ADAT2: variants seen among roughly 807,000 people sequenced by gnomAD.
The protein encoded by ADAT2 is adenosine deaminase tRNA specific 2.
A neutral mutation model predicts 25.9 loss-of-function variants in ADAT2; 26 were observed. The ratio of observed to expected loss-of-function variants is 1.00; its 90% CI spans 0.74 to 1.39. ADAT2 has a LOEUF of 1.39. Among genes scored for constraint, ADAT2 ranks in the 40% most tolerant of loss-of-function variants. The pLI, the probability that ADAT2 is intolerant of heterozygous loss-of-function variation, is 0.00. For synonymous variants in ADAT2, 76 were observed against 86.8 expected (o/e 0.88, Z 0.69); for missense variants, 220 against 244.8 (o/e 0.90, Z 0.68).
At chr6:143,448,048 C>T (rs1779646436) in intron 1 of ADAT2, among the ~76,000 whole-genome samples, 1 of 152,094 alleles carries the variant, frequency 6.6e-6, no homozygotes, top group Admixed American at 6.5e-5. Context: ...TCATATACAC[C>T]ATGGAATACT....
Position 143,450,652 on chromosome 6 carries a change from C to T in ADAT2, c.7G>A (p.Ala3Thr). ME[A>T]KAAPKPAASG... is the part of the protein sequence containing the mutation. ...GCAGCTGGCTTGGGTGCCGCCTTCG[C>T]CTCCATACCCAGCCACCACTCAGCT... is the stretch of plus-strand genomic sequence containing the variant. The change falls in exon 1 of 6, where the codon GCG becomes ACG. Residue 3 changes from alanine to threonine, a missense_variant. Coordinates refer to ENST00000237283, the MANE Select transcript of ADAT2 (RefSeq NM_182503.3). The T allele has an allele frequency of 6.2e-7, 1 of 1,613,438 alleles. No homozygotes were observed. The highest frequency in any genetic ancestry group is 8.5e-7 in the Non-Finnish European group (1 of 1,180,014).
rs1235221986 is a variant in ADAT2, at chr6:143,442,084, C to T, written c.97-3390G>A. The T allele has an allele frequency of 1.3e-5, 2 of 152,182 alleles. No individual in the cohort carries two copies. The highest frequency in any genetic ancestry group is 4.8e-5 in the African/African-American group (2 of 41,440). 9.4% of individuals were successfully genotyped at this position (152,182 alleles called of 1,614,324 possible). On this transcript the variant is annotated intron_variant, in intron 1 of 5. Transcript: ENST00000237283. This position sits in a 1 kb window ranked among gnomAD's most constrained non-coding sequence, Gnocchi z 4.6. Reference sequence around the variant, plus strand: ...CCAGAGAAATGAAAACCTATGCTCACACAATGTATGTCTGTGTGCACAAAT... The same window carrying T: ...CCAGAGAAATGAAAACCTATGCTCATACAATGTATGTCTGTGTGCACAAAT...
intron 1 of ADAT2, among the ~76,000 whole-genome samples, chr6:143,450,260 T>C (rs1324763180): frequency 6.6e-6 from 1 of 151,854 alleles, no homozygotes; most frequent in Non-Finnish European, 1.5e-5. Flanking sequence ...GATTGGAGAG[T>C]GTGTGACCAC....
rs1778939548 is a variant in ADAT2 at position 143,426,532 on chromosome 6, A to T, written c.*1931T>A. ...CAATTAAATTGTTCAGCTATGCTTC[A>T]GAATCAGGAAACACTACTTATCCAT... On this transcript the variant is annotated 3_prime_UTR_variant, in exon 6 of 6. Transcript: ENST00000237283. The surrounding 1 kb of genome is among the most constrained non-coding windows in gnomAD (Gnocchi z 4.1). The T allele has an allele frequency of 6.6e-6, 1 of 152,238 alleles. No individual in the cohort carries two copies. Among genetic ancestry groups the T allele is most frequent in the South Asian group, 2.1e-4 (1 of 4,834 alleles). The allele number at this position is 152,238 out of a possible 1,614,324, so 9.4% of individuals were successfully genotyped here.
Position 143,426,246 on chromosome 6 carries a change from A to C in ADAT2, c.*2217T>G, listed in dbSNP as rs984228942. The C allele has an allele frequency of 6.6e-6, 1 of 152,236 alleles. No homozygotes were observed. The highest frequency in any genetic ancestry group is 1.9e-4 in the East Asian group (1 of 5,200). 9.4% of individuals were successfully genotyped at this position (152,236 alleles called of 1,614,324 possible). ...TTAATATTTTAACCCGTGTCTAAGTAGCTGGGGAATGTGGTACTCAGGAAG... is the reference window on the plus strand; with the variant it reads ...TTAATATTTTAACCCGTGTCTAAGTCGCTGGGGAATGTGGTACTCAGGAAG... On this transcript the variant is annotated 3_prime_UTR_variant, in exon 6 of 6. Transcript: ENST00000237283. This position sits in a 1 kb window ranked among gnomAD's most constrained non-coding sequence, Gnocchi z 4.1.
At chr6:143,441,360 T>C (rs1779450863) in intron 1 of ADAT2, 1 of 152,166 alleles carries the variant, frequency 6.6e-6, no homozygotes, top group South Asian at 2.1e-4. Flanking sequence ...AAAAAGACTG[T>C]TTTCATCTAT....
Position 143,432,669 on chromosome 6 carries a change from A to C in ADAT2, c.353-58T>G. On this transcript the variant is annotated intron_variant, in intron 3 of 5. Coordinates refer to ENST00000237283, the MANE Select transcript of ADAT2 (RefSeq NM_182503.3). This position sits in a 1 kb window ranked among gnomAD's most constrained non-coding sequence, Gnocchi z 4.4. ...ACATTTCAAGTATGTATCGTGACAA[A>C]ATCAGAGTAGGTTTATACCAGCCAT... is the stretch of plus-strand genomic sequence containing the variant. 1 of 1,548,158 alleles carries C rather than the reference A, an allele frequency of 6.5e-7. No individual in the cohort carries two copies. The highest frequency in any genetic ancestry group is 8.9e-7 in the Non-Finnish European group (1 of 1,121,070).
chr6:143,436,813 CTG>C lies in ADAT2; in HGVS notation c.201+1775_201+1776del, dbSNP rs1459628463. 2.0e-5 allele frequency: 3 copies of C among 152,294 alleles called. No homozygotes were observed. The highest frequency in any genetic ancestry group is 2.0e-4 in the Admixed American group (3 of 15,264). 9.4% of individuals were successfully genotyped at this position (152,294 alleles called of 1,614,324 possible). On this transcript the variant is annotated intron_variant, in intron 2 of 5. Coordinates refer to ENST00000237283, the MANE Select transcript of ADAT2 (RefSeq NM_182503.3). This position sits in a 1 kb window ranked among gnomAD's most constrained non-coding sequence, Gnocchi z 4.1. ...TCTGTGTGGGCACTTGCTGTTCTTG[CTG>C]TGTGTTCACCTCTATTAAAGCATTT...
Position 143,438,579 on chromosome 6 carries a change from A to G in ADAT2, c.201+11T>C. 1 of 1,593,082 alleles carries G rather than the reference A, an allele frequency of 6.3e-7. No individual in the cohort carries two copies. Among genetic ancestry groups the G allele is most frequent in the Non-Finnish European group, 8.6e-7 (1 of 1,161,212 alleles). On this transcript the variant is annotated intron_variant, in intron 2 of 5. Coordinates refer to ENST00000237283, the MANE Select transcript of ADAT2 (RefSeq NM_182503.3). The stretch of plus-strand genomic sequence containing the variant: ...CTGTATGTTTGCAATTATACTGCTC[A>G]ACTCACATACATTTTTGGTTTGGTT...
At chr6:143,443,441 A>T (rs574787500) in intron 1 of ADAT2, among the ~76,000 whole-genome samples, 134 of 152,064 alleles carry the variant, frequency 8.8e-4, no homozygotes, top group African/African-American at 3.0e-3. Flanking sequence ...TTTTAAGGAT[A>T]AAAAAAATGG....
intron 4 of ADAT2, among the ~76,000 whole-genome samples, chr6:143,429,727 T>C (rs1203635020): frequency 6.6e-6 from 1 of 152,070 alleles, no homozygotes; most frequent in African/African-American, 2.4e-5. Context: ...GTGCATGAAG[T>C]GACACAATGA....
At position 143,432,759 on chromosome 6, in the gene ADAT2, T is replaced by C. The variant is rs1254888379; in HGVS notation, c.353-148A>G. On this transcript the variant is annotated intron_variant, in intron 3 of 5. Coordinates refer to ENST00000237283, the MANE Select transcript of ADAT2 (RefSeq NM_182503.3). The surrounding 1 kb of genome is among the most constrained non-coding windows in gnomAD (Gnocchi z 4.4). ...AGCTTAGGATTCGTCTTATAAACCATACAATCCAGCTACACAGAAGAAAAG... is the reference window on the plus strand; with the variant it reads ...AGCTTAGGATTCGTCTTATAAACCACACAATCCAGCTACACAGAAGAAAAG... 8.3e-6 allele frequency: 6 copies of C among 723,468 alleles called. No individual in the cohort carries two copies. Among genetic ancestry groups the C allele is most frequent in the African/African-American group, 1.8e-5 (1 of 56,598 alleles). The allele number at this position is 723,468 out of a possible 1,614,324, so 44.8% of individuals were successfully genotyped here.
At chr6:143,431,882 C>G (rs1431524453) in intron 4 of ADAT2, among the ~76,000 whole-genome samples, 1 of 152,108 alleles carries the variant, frequency 6.6e-6, no homozygotes, top group East Asian at 1.9e-4. Flanking sequence ...AATACAAATT[C>G]CTTTTGTTCA....
At chr6:143,445,086 G>A in intron 1 of ADAT2, 1 of 388,460 alleles carries the variant, frequency 2.6e-6, no homozygotes, top group Non-Finnish European at 4.4e-6. Context: ...TCTCTTCTGA[G>A]TGATTACTCT....
In ADAT2 at chr6:143,440,266, G is replaced by A. The variant is rs1326502084; in HGVS notation, c.97-1572C>T. 6.6e-6 allele frequency among the ~76,000 whole-genome samples: 1 copy of A among 152,162 alleles called. No individual in the cohort carries two copies. The highest frequency in any genetic ancestry group is 2.4e-5 in the African/African-American group (1 of 41,442). ...TGCAGGTACTTACACACATCATAGG[G>A]CATATAAAGTGCAAAGTTGAAGGCA... is the stretch of plus-strand genomic sequence containing the variant. On this transcript the variant is annotated intron_variant, in intron 1 of 5. Coordinates refer to ENST00000237283, the MANE Select transcript of ADAT2 (RefSeq NM_182503.3). This position sits in a 1 kb window ranked among gnomAD's most constrained non-coding sequence, Gnocchi z 4.5.
Position 143,446,217 on chromosome 6 carries a change from C to T in ADAT2, c.96+4346G>A, listed in dbSNP as rs1779595485. Among the ~76,000 whole-genome samples, 1 of 152,090 alleles carries T rather than the reference C, an allele frequency of 6.6e-6. No homozygotes were observed. The highest frequency in any genetic ancestry group is 2.1e-4 in the South Asian group (1 of 4,828). On this transcript the variant is annotated intron_variant, in intron 1 of 5. Transcript: ENST00000237283. This position sits in a 1 kb window ranked among gnomAD's most constrained non-coding sequence, Gnocchi z 5.0. ...GTTTTTAAAAAGTCAAATAGATTTA[C>T]ACTGTATATACAGTTCAGCAGTCTG...
chr6:143,428,821 G>C lies in ADAT2; in HGVS notation c.460-137C>G, dbSNP rs1006556579. On this transcript the variant is annotated intron_variant, in intron 4 of 5. Coordinates refer to ENST00000237283, the MANE Select transcript of ADAT2 (RefSeq NM_182503.3). This position sits in a 1 kb window ranked among gnomAD's most constrained non-coding sequence, Gnocchi z 5.0. ...AAACTTTGGGGATATTAGTAACATG[G>C]GTAAGGAGGTACACTTCCAAAAGAT... 7 of 751,768 alleles carry C rather than the reference G, an allele frequency of 9.3e-6. No individual in the cohort carries two copies. The African/African-American group carries it at 1.2e-4, about 13-fold the overall frequency. 46.6% of individuals were successfully genotyped at this position (751,768 alleles called of 1,614,324 possible).
At position 143,446,688 on chromosome 6, in the gene ADAT2, G is replaced by T. The variant is rs922881007; in HGVS notation, c.96+3875C>A. Among the ~76,000 whole-genome samples, 3 of 152,010 alleles carry T rather than the reference G, an allele frequency of 2.0e-5. No individual in the cohort carries two copies. The highest frequency in any genetic ancestry group is 4.4e-5 in the Non-Finnish European group (3 of 67,998). On this transcript the variant is annotated intron_variant, in intron 1 of 5. Coordinates refer to ENST00000237283, the MANE Select transcript of ADAT2 (RefSeq NM_182503.3). The surrounding 1 kb of genome is among the most constrained non-coding windows in gnomAD (Gnocchi z 5.0). ...GGCAAGCAGTGAGCTACCTAACACC[G>T]AGAGGCAGGCCAGGCCAGTATTTAA...
intron 1 of ADAT2, among the ~76,000 whole-genome samples, chr6:143,445,939 C>CT (rs1375306530): frequency 6.6e-6 from 1 of 151,868 alleles, no homozygotes; most frequent in African/African-American, 2.4e-5. Context: ...ATACAATTGA[C>CT]TTTTTTCTAG....
Sources: allele counts gnomAD v4.1 joint callset (sites outside exome capture counted in the v4.1 genomes callset), GRCh38; gene constraint gnomAD v4.1.1; non-coding constraint Gnocchi (gnomAD v3.1); transcripts MANE v1.5; gene names NCBI Gene and HGNC (gene_info 2026-07-23, HGNC 2026-07-21).